DIDO1: variants seen among roughly 807,000 people sequenced by gnomAD.
DIDO1 encodes the protein death-inducer obliterator 1.
DIDO1 carries 16 observed loss-of-function variants against 99.4 expected under a neutral mutation model. That is an observed-to-expected ratio of 0.16 (90% CI 0.11 to 0.24). The LOEUF (loss-of-function observed/expected upper bound fraction) is 0.24, where lower values mean the gene tolerates loss of function less well. Among genes scored for constraint, DIDO1 ranks in the 10% least tolerant of loss-of-function variants. DIDO1 has a pLI of 1.00. For synonymous variants in DIDO1, 1,366 were observed against 1,239.1 expected (o/e 1.10, Z -2.15); for missense variants, 2,996 against 3,014.0 (o/e 0.99, Z 0.14).
At position 62,878,303 on chromosome 20, in the gene DIDO1, G is replaced by A. The variant is rs2064140401; in HGVS notation, c.*930C>T. On this transcript the variant is annotated 3_prime_UTR_variant, in exon 16 of 16. Transcript: ENST00000395343. Reference sequence around the variant, plus strand: ...TGAACAGCTTCCTGTCTCATTTGCAGTTCTTGAGCTAGTGATCACTAGTTC... The same window carrying A: ...TGAACAGCTTCCTGTCTCATTTGCAATTCTTGAGCTAGTGATCACTAGTTC... 1.3e-5 allele frequency: 2 copies of A among 152,210 alleles called. No homozygotes were observed. Among genetic ancestry groups the A allele is most frequent in the African/African-American group, 2.4e-5 (1 of 41,442 alleles). The allele number at this position is 152,210 out of a possible 1,614,324, so 9.4% of individuals were successfully genotyped here.
Position 62,913,952 on chromosome 20 carries a change from T to C in DIDO1, c.-3+258A>G, listed in dbSNP as rs78243621. On this transcript the variant is annotated intron_variant, in intron 2 of 15. Coordinates refer to ENST00000395343, the MANE Select transcript of DIDO1 (RefSeq NM_001193369.2). ...ACAGTTGCTGTACTACACTGTTTTA[T>C]AACATTTTTATTATTTTTTATTGTC... 6.3e-3 allele frequency among the ~76,000 whole-genome samples: 957 copies of C among 152,384 alleles called. 7 individuals carry two copies. Among genetic ancestry groups the C allele is most frequent in the Non-Finnish European group, 0.01 (691 of 68,044 alleles).
chr20:62,920,632 CA>C (rs1210707589), intron 1 of DIDO1, among the ~76,000 whole-genome samples: 2 of 152,216 alleles, frequency 1.3e-5, no homozygotes, highest in African/African-American at 4.8e-5. Flanking sequence ...AAGCGTGGTC[CA>C]GGGGTCCTTT....
chr20:62,883,961 G>T (rs886499362), intron 15 of DIDO1, among the ~76,000 whole-genome samples: 7 of 152,066 alleles, frequency 4.6e-5, no homozygotes, highest in Non-Finnish European at 1.0e-4. Context: ...AGCCGAGATC[G>T]TGCCACTGAA....
At chr20:62,910,725 A>G in intron 3 of DIDO1, 49 bp downstream of exon 3, 1 of 1,565,594 alleles carries the variant, frequency 6.4e-7, no homozygotes, top group Non-Finnish European at 8.7e-7. Context: ...CAAATGGAAA[A>G]TTCTGTTTGC....
intron 4 of DIDO1, 93 bp downstream of exon 4, chr20:62,909,606 C>T: frequency 6.7e-7 from 1 of 1,501,072 alleles, no homozygotes; most frequent in Non-Finnish European, 9.1e-7. Flanking sequence ...CACATGGGTG[C>T]AGCACCCGTC....
Position 62,881,112 on chromosome 20 carries a change from G to A in DIDO1, c.4844C>T (p.Ala1615Val). 2 of 1,609,360 alleles carry A rather than the reference G, an allele frequency of 1.2e-6. No homozygotes were observed. The highest frequency in any genetic ancestry group is 1.1e-5 in the South Asian group (1 of 90,934). Residue 1615 changes from alanine to valine, a missense_variant, in exon 16 of 16, where the codon GCC (alanine) becomes GTC (valine). Physicochemically the swap from Ala to Val is moderately conservative, Grantham distance 64 (BLOSUM62 0). Around this residue, in one of 5 missense-constraint regions of DIDO1, gnomAD observed 1,562 missense variants for 1,412.6 expected, o/e 1.11. Coordinates refer to ENST00000395343, the MANE Select transcript of DIDO1 (RefSeq NM_001193369.2). This position sits in a 1 kb window ranked among gnomAD's most constrained non-coding sequence, Gnocchi z 8.3. ...PMPVPEEKEP[A>V]SSPWASGEKP... is the part of the protein sequence containing the mutation. ...TTCGCCCGAAGCCCAGGGGGAAGAG[G>A]CTGGCTCTTTTTCCTCCGGGACTGG... is the stretch of plus-strand genomic sequence containing the variant.
chr20:62,888,095 C>CT (rs968066916), intron 15 of DIDO1: 1 of 985,448 alleles, frequency 1.0e-6, no homozygotes, highest in Non-Finnish European at 1.2e-6. Context: ...GGGCGGGTGA[C>CT]TTAAGTTTCC....
At chr20:62,935,805 G>A (rs1214753596) in intron 1 of DIDO1, among the ~76,000 whole-genome samples, 1 of 152,252 alleles carries the variant, frequency 6.6e-6, no homozygotes, top group Non-Finnish European at 1.5e-5. Context: ...TGCTATGTGA[G>A]AGGTAGTGAC....
At chr20:62,937,305 G>A (rs920569105) in intron 1 of DIDO1, among the ~76,000 whole-genome samples, 7 of 152,358 alleles carry the variant, frequency 4.6e-5, no homozygotes, top group East Asian at 1.9e-4. Context: ...CCTCCTGAGC[G>A]GACAGGCAAT....
In DIDO1 at chr20:62,894,034, G is replaced by A; in HGVS notation, c.2733C>T (p.Ala911=). Residue 911 remains alanine, a synonymous_variant, in exon 12 of 16, where the codon GCC becomes GCT. Transcript: ENST00000395343. The surrounding 1 kb of genome is among the most constrained non-coding windows in gnomAD (Gnocchi z 4.4). ...EVMPEAVPEV[A]SEPGLESASH... is the part of the protein sequence containing the mutation. Reference sequence around the variant, plus strand: ...AAGCACTTTCTAGGCCTGGCTCAGAGGCAACTTCAGGCACAGCCTCCGGCA... The same window carrying A: ...AAGCACTTTCTAGGCCTGGCTCAGAAGCAACTTCAGGCACAGCCTCCGGCA... 1 of 1,614,228 alleles carries A rather than the reference G, an allele frequency of 6.2e-7. No homozygotes were observed. Among genetic ancestry groups the A allele is most frequent in the Non-Finnish European group, 8.5e-7 (1 of 1,180,054 alleles).
At chr20:62,907,040 C>T (rs1397023240) in intron 5 of DIDO1, 107 bp downstream of exon 5, 2 of 1,100,490 alleles carry the variant, frequency 1.8e-6, no homozygotes, top group Non-Finnish European at 1.3e-6. Flanking sequence ...ACGTGTGCGC[C>T]CCCCTACACC....
At chr20:62,929,695 G>GTATATATATATA (rs71195479), upstream of DIDO1, among the ~76,000 whole-genome samples, 154 of 97,950 alleles carry the variant, frequency 1.6e-3, 9 homozygotes, top group African/African-American at 6.8e-3. Context: ...AAGAAAAAGT[G>GTATATATATATA]TATATATATA....
rs112393443 is a variant in DIDO1, at chr20:62,881,463, T to G, written c.4493A>C (p.Glu1498Ala). The change falls in exon 16 of 16, where the codon GAA (glutamate) becomes GCA (alanine). Residue 1498 changes from glutamate to alanine, a missense_variant. Physicochemically the swap from Glu to Ala is moderately radical, Grantham distance 107 (BLOSUM62 -1). Coordinates refer to ENST00000395343, the MANE Select transcript of DIDO1 (RefSeq NM_001193369.2). This position sits in a 1 kb window ranked among gnomAD's most constrained non-coding sequence, Gnocchi z 8.3. ...GGCGGCCCTCTGCTGCCTGAGAGCT[T>G]CTTCTTGCTCCTCCAGCTGTCTCTT... ...EQKRQLEEQE[E>A]ALRQQRAAVG... 554 of 1,609,888 alleles carry G rather than the reference T, an allele frequency of 3.4e-4. 2 individuals carry two copies. The African/African-American group carries it at 5.2e-3, about 15-fold the overall frequency.
At position 62,893,639 on chromosome 20, in the gene DIDO1, T is replaced by C. The variant is rs376116639; in HGVS notation, c.3101+27A>G. On this transcript the variant is annotated intron_variant, in intron 12 of 15. Coordinates refer to ENST00000395343, the MANE Select transcript of DIDO1 (RefSeq NM_001193369.2). ...GTTAATCTAAAAAAAAAGTTTGGCT[T>C]GTTCAGACCACACCTGAAGTACGCA... is the stretch of plus-strand genomic sequence containing the variant. 18 of 1,537,520 alleles carry C rather than the reference T, an allele frequency of 1.2e-5. No individual in the cohort carries two copies. The African/African-American group carries it at 1.2e-4, about 11-fold the overall frequency.
chr20:62,882,309 G>A lies in DIDO1; in HGVS notation c.3647C>T (p.Thr1216Ile), dbSNP rs143385924. Residue 1216 changes from threonine (T) to isoleucine (I), a missense_variant, in exon 16 of 16, where the codon ACC becomes ATC. By Grantham distance (89) the Thr-to-Ile change is moderately conservative. This residue lies in a region of DIDO1 where 1,562 missense variants were observed against 1,412.6 expected (regional missense o/e 1.11). Coordinates refer to ENST00000395343, the MANE Select transcript of DIDO1 (RefSeq NM_001193369.2). ...GELDKMDEKR[T>I]RLQPEEADVP... ...GTCCGCTTCTTCCGGTTGAAGTCGG[G>A]TCCGCTTTTCGTCCATCTTGTCTAA... 4 of 1,613,910 alleles carry A rather than the reference G, an allele frequency of 2.5e-6. No individual in the cohort carries two copies. Among genetic ancestry groups the A allele is most frequent in the Middle Eastern group, 1.6e-4 (1 of 6,084 alleles).
chr20:62,921,697 G>A (rs942396552), intron 1 of DIDO1, among the ~76,000 whole-genome samples: 24 of 148,548 alleles, frequency 1.6e-4, no homozygotes, highest in African/African-American at 5.8e-4. Context: ...TGGAGCGACT[G>A]ATCACGGCTC....
chr20:62,901,714 C>G (rs1172421219), intron 6 of DIDO1, among the ~76,000 whole-genome samples: 3 of 151,714 alleles, frequency 2.0e-5, no homozygotes, highest in Non-Finnish European at 2.9e-5. Context: ...GTTGCCGCAA[C>G]CTTCATTTAA....
intron 1 of DIDO1, among the ~76,000 whole-genome samples, chr20:62,918,317 T>G (rs540680325): frequency 6.6e-6 from 1 of 152,244 alleles, no homozygotes; most frequent in Non-Finnish European, 1.5e-5. Context: ...CACTTCCAGG[T>G]TGTGGTACAG....
At chr20:62,923,159 T>G (rs560272739) in intron 1 of DIDO1, among the ~76,000 whole-genome samples, 2 of 151,716 alleles carry the variant, frequency 1.3e-5, no homozygotes, top group African/African-American at 4.8e-5. Flanking sequence ...CAGGAGCACA[T>G]CAGCATGCTT....
Sources: gnomAD v4.1 joint callset for allele counts (sites outside exome capture counted in the v4.1 genomes callset) on GRCh38, gnomAD v4.1.1 for gene constraint, gnomAD v4.1.1 regional missense constraint, Gnocchi (gnomAD v3.1) non-coding constraint, MANE v1.5 for transcripts, NCBI Gene and HGNC (gene_info 2026-07-23, HGNC 2026-07-21) for gene names.